The following TTC9 variants were observed in gnomAD, a reference collection of about 807,000 sequenced individuals.
TTC9 encodes the protein tetratricopeptide repeat domain 9, also known as tetratricopeptide repeat protein 9A.
In TTC9, 13 loss-of-function variants were observed where a neutral mutation model predicts 22.9. That is an observed-to-expected ratio of 0.57 (90% CI 0.37 to 0.90). TTC9 has a LOEUF of 0.90. Among genes scored for constraint, TTC9 ranks in the 40% least tolerant of loss-of-function variants. TTC9 has a pLI of 0.01. For synonymous variants in TTC9, 148 were observed against 133.2 expected (o/e 1.11, Z -0.77); for missense variants, 280 against 291.8 (o/e 0.96, Z 0.29).
intron 2 of TTC9, 137 bp from the exon 3 acceptor site, chr14:70,670,939 C>T (rs1886285066): frequency 7.2e-6 from 5 of 696,636 alleles, no homozygotes; most frequent in African/African-American, 1.8e-5. Flanking sequence ...TCTCAGCCAC[C>T]ATGGATAGGC....
At chr14:70,650,392 C>T (rs1301253182) in intron 1 of TTC9, among the ~76,000 whole-genome samples, 1 of 150,834 alleles carries the variant, frequency 6.6e-6, no homozygotes, top group Non-Finnish European at 1.5e-5. Flanking sequence ...CACTGCACGC[C>T]AGCCTGGGCG....
intron 1 of TTC9, among the ~76,000 whole-genome samples, chr14:70,663,898 G>A (rs1469247101): frequency 1.3e-5 from 2 of 152,170 alleles, no homozygotes; most frequent in East Asian, 3.9e-4. Flanking sequence ...ACACCCCAGA[G>A]GTCAAGTGCA....
chr14:70,655,934 G>T (rs1368477245), intron 1 of TTC9, among the ~76,000 whole-genome samples: 2 of 151,920 alleles, frequency 1.3e-5, no homozygotes, highest in East Asian at 3.8e-4. Context: ...ATGCTGCTTG[G>T]ACTCTTTCTC....
At chr14:70,653,288 A>G (rs373550971) in intron 1 of TTC9, among the ~76,000 whole-genome samples, 3 of 152,310 alleles carry the variant, frequency 2.0e-5, no homozygotes, top group African/African-American at 2.4e-5. Flanking sequence ...AAAGAAGGCT[A>G]TGGGGAAACA....
intron 1 of TTC9, among the ~76,000 whole-genome samples, chr14:70,663,713 G>A (rs1156575471): frequency 2.0e-5 from 3 of 152,152 alleles, no homozygotes; most frequent in African/African-American, 7.2e-5. Context: ...AGGTGGGTGG[G>A]GGGGCGGGTG....
At chr14:70,651,720 C>T (rs747989998) in intron 1 of TTC9, among the ~76,000 whole-genome samples, 21 of 152,118 alleles carry the variant, frequency 1.4e-4, no homozygotes, top group Non-Finnish European at 3.1e-4. Context: ...TGAGTCAGCA[C>T]TTGTGATGTA....
chr14:70,670,849 T>C (rs1594742758), intron 2 of TTC9, among the ~76,000 whole-genome samples: 1 of 151,690 alleles, frequency 6.6e-6, no homozygotes, highest in East Asian at 1.9e-4. Flanking sequence ...CCATTCTCTC[T>C]CACATCCCCT....
chr14:70,670,015 A>G (rs1290796526), intron 2 of TTC9, among the ~76,000 whole-genome samples: 1 of 152,214 alleles, frequency 6.6e-6, no homozygotes, highest in African/African-American at 2.4e-5. Flanking sequence ...CCCTGCTTAT[A>G]ACGACAAAAA....
chr14:70,662,298 G>A (rs555931669), intron 1 of TTC9, among the ~76,000 whole-genome samples: 1 of 151,828 alleles, frequency 6.6e-6, no homozygotes, highest in African/African-American at 2.4e-5. Flanking sequence ...CAACTCAACA[G>A]CCTCCTCTGC....
chr14:70,649,231 T>G (rs1885945552), intron 1 of TTC9, among the ~76,000 whole-genome samples: 1 of 152,202 alleles, frequency 6.6e-6, no homozygotes, highest in Non-Finnish European at 1.5e-5. Context: ...AGGATTACCA[T>G]GATGAGGCCA....
At position 70,666,449 on chromosome 14, in the gene TTC9, C is replaced by T. The variant is rs1364185951; in HGVS notation, c.407-1115C>T. 1.3e-5 allele frequency among the ~76,000 whole-genome samples: 2 copies of T among 152,168 alleles called. 1 individual carries two copies. Among genetic ancestry groups the T allele is most frequent in the East Asian group, 3.8e-4 (2 of 5,196 alleles). On this transcript the variant is annotated intron_variant, in intron 1 of 2. Coordinates refer to ENST00000256367, the MANE Select transcript of TTC9 (RefSeq NM_015351.2). Reference sequence around the variant, plus strand: ...CTCAGGAACTGCAGAGACAAATATACATGAAAGGGAACTTGAGGGAAGTCA... The same window carrying T: ...CTCAGGAACTGCAGAGACAAATATATATGAAAGGGAACTTGAGGGAAGTCA...
chr14:70,674,080 GT>G lies in TTC9; in HGVS notation c.*2927del. ...CAAAGGCTTTAGAGCACAAAACCAG[GT>G]TCATTCTCCCTACCAAATCTTCAGC... On this transcript the variant is annotated 3_prime_UTR_variant, in exon 3 of 3. Transcript: ENST00000256367. 1 of 152,192 alleles carries G rather than the reference GT, an allele frequency of 6.6e-6. No individual in the cohort carries two copies. The highest frequency in any genetic ancestry group is 1.5e-5 in the Non-Finnish European group (1 of 68,020). 9.4% of individuals were successfully genotyped at this position (152,192 alleles called of 1,614,324 possible).
intron 1 of TTC9, among the ~76,000 whole-genome samples, chr14:70,647,583 T>G (rs1444787242): frequency 6.6e-6 from 1 of 152,190 alleles, no homozygotes; most frequent in South Asian, 2.1e-4. Flanking sequence ...ATTCATTTAG[T>G]TATGGGCATA....
In TTC9 at chr14:70,671,130, C is replaced by G. The variant is rs1299725406; in HGVS notation, c.644C>G (p.Ser215Cys). The G allele has an allele frequency of 5.0e-6, 8 of 1,613,550 alleles. No individual in the cohort carries two copies. The African/African-American group carries it at 1.1e-4, about 22-fold the overall frequency. The change falls in exon 3 of 3, where the codon TCC becomes TGC. Residue 215 changes from serine (S) to cysteine (C), a missense_variant. Physicochemically the swap from Ser to Cys is moderately radical, Grantham distance 112. Transcript: ENST00000256367. ...QLTEMKLSRC[S>C]QREKEAM ...ACGGAGATGAAACTCAGCCGATGCTCCCAGAGAGAAAAAGAAGCCATGTAA... is the reference window on the plus strand; with the variant it reads ...ACGGAGATGAAACTCAGCCGATGCTGCCAGAGAGAAAAAGAAGCCATGTAA...
chr14:70,668,064 G>A (rs1886239212), intron 2 of TTC9, among the ~76,000 whole-genome samples: 1 of 152,048 alleles, frequency 6.6e-6, no homozygotes, highest in South Asian at 2.1e-4. Flanking sequence ...GCCAAGATTT[G>A]TGCTAAGCAC....
intron 1 of TTC9, among the ~76,000 whole-genome samples, chr14:70,651,594 C>A (rs558065670): frequency 8.5e-5 from 13 of 152,270 alleles, no homozygotes; most frequent in African/African-American, 3.1e-4. Flanking sequence ...CCATCCCAGT[C>A]CACACAAAGG....
chr14:70,657,998 A>T (rs1003633620), intron 1 of TTC9, among the ~76,000 whole-genome samples: 6 of 152,130 alleles, frequency 3.9e-5, no homozygotes, highest in African/African-American at 9.7e-5. Flanking sequence ...AGAAACAGCC[A>T]CTTGGAGGGT....
At chr14:70,645,883 G>C (rs565345725) in intron 1 of TTC9, among the ~76,000 whole-genome samples, 2 of 152,336 alleles carry the variant, frequency 1.3e-5, no homozygotes, top group African/African-American at 4.8e-5. Flanking sequence ...GAAGTACCTG[G>C]AAAATTAAGC....
rs940023887 is a variant in TTC9 at position 70,652,678 on chromosome 14, A to G, written c.406+10143A>G. ...CTAGCATCTCAGAGAGTTCCTACCC[A>G]TGGCTCAAGGCTGGAAAGCCCTGGG... is the stretch of plus-strand genomic sequence containing the variant. On this transcript the variant is annotated intron_variant, in intron 1 of 2. Transcript: ENST00000256367. 3.3e-5 allele frequency among the ~76,000 whole-genome samples: 5 copies of G among 152,226 alleles called. No individual in the cohort carries two copies. In the East Asian group the frequency reaches 9.6e-4, roughly 29 times the overall value.
Sources: allele counts gnomAD v4.1 joint callset (sites outside exome capture counted in the v4.1 genomes callset), GRCh38; gene constraint gnomAD v4.1.1; transcripts MANE v1.5; gene names NCBI Gene and HGNC (gene_info 2026-07-23, HGNC 2026-07-21).